The following LRRC74A variants were observed in gnomAD, a reference collection of about 807,000 sequenced individuals.
The protein encoded by LRRC74A is leucine-rich repeat-containing protein 74A.
Under a neutral mutation model 57.9 loss-of-function variants are expected in LRRC74A, and 44 were observed. The ratio of observed to expected loss-of-function variants is 0.76; its 90% CI spans 0.60 to 0.98. The LOEUF (loss-of-function observed/expected upper bound fraction) is 0.98. Ranked by LOEUF, LRRC74A falls within the 50% of genes least tolerant of loss-of-function variation. The probability of loss-of-function intolerance (pLI) is 0.00; values close to 1 mark genes in which losing one functional copy is unlikely to be tolerated. For missense variants in LRRC74A, 572 were observed against 574.0 expected (o/e 1.00, Z 0.04); for synonymous variants, 211 against 219.4 (o/e 0.96, Z 0.34).
intron 4 of LRRC74A, among the ~76,000 whole-genome samples, chr14:76,837,120 T>A (rs749507232): frequency 5.9e-5 from 9 of 152,088 alleles, no homozygotes; most frequent in Non-Finnish European, 1.0e-4. Context: ...CCAGCCTGGG[T>A]GACAGAGTGA....
At chr14:76,834,298 G>A (rs993082460) in intron 3 of LRRC74A, among the ~76,000 whole-genome samples, 6 of 152,184 alleles carry the variant, frequency 3.9e-5, no homozygotes, top group Admixed American at 2.6e-4. Flanking sequence ...CATGAGCTTC[G>A]TGGGAAAAAC....
intron 11 of LRRC74A, among the ~76,000 whole-genome samples, chr14:76,862,423 G>C (rs1028150961): frequency 3.4e-5 from 4 of 116,554 alleles, no homozygotes; most frequent in Admixed American, 2.0e-4. Context: ...CCAGCTACTT[G>C]GGAAACTGAG....
intron 11 of LRRC74A, among the ~76,000 whole-genome samples, chr14:76,864,187 G>A (rs890179557): frequency 8.5e-5 from 13 of 152,114 alleles, no homozygotes; most frequent in Admixed American, 3.9e-4. Flanking sequence ...TTGAAGTGCC[G>A]GTGGGGTGTC....
chr14:76,849,528 G>A (rs1446937093), intron 7 of LRRC74A, among the ~76,000 whole-genome samples: 3 of 151,944 alleles, frequency 2.0e-5, no homozygotes, highest in Non-Finnish European at 2.9e-5. Context: ...ATTGCTGGGC[G>A]GGGTAGATCA....
chr14:76,841,405 T>G (rs1306472773), intron 5 of LRRC74A, among the ~76,000 whole-genome samples: 1 of 152,208 alleles, frequency 6.6e-6, no homozygotes, highest in Non-Finnish European at 1.5e-5. Context: ...ATCTTGAATC[T>G]TTTTTTCAAA....
At chr14:76,827,217 G>A (rs1379784298) in intron 1 of LRRC74A, among the ~76,000 whole-genome samples, 1 of 152,178 alleles carries the variant, frequency 6.6e-6, no homozygotes, top group Non-Finnish European at 1.5e-5. Context: ...CCAAGCTGTT[G>A]TCTGTCTTCT....
intron 3 of LRRC74A, among the ~76,000 whole-genome samples, chr14:76,835,122 A>C (rs1166876573): frequency 1.3e-5 from 2 of 152,168 alleles, no homozygotes; most frequent in African/African-American, 2.4e-5. Flanking sequence ...GGGAAGATCA[A>C]AGTTCTGATT....
chr14:76,861,317 TGGTAAGGATATCAAGACATCCCTGC>T (rs1169801617), intron 11 of LRRC74A, among the ~76,000 whole-genome samples: 5 of 152,242 alleles, frequency 3.3e-5, no homozygotes, highest in Admixed American at 3.3e-4. Flanking sequence ...TTCCAACTGC[TGGTAAGGATATCAAGACATCCCTGC>T]GGTCAGGATG....
At position 76,844,883 on chromosome 14, in the gene LRRC74A, C is replaced by T. The variant is rs766765118; in HGVS notation, c.658C>T (p.His220Tyr). ...CCAATTCTCTGATGTAGGAGGGGAG[C>T]ACCTGGGCCAGATGCTGGGTGAGTC... ...HNQFSDVGGE[H>Y]LGQMLAINVG... The change falls in exon 7 of 14, where the codon CAC becomes TAC. Residue 220 changes from histidine to tyrosine, a missense_variant. Physicochemically the swap from His to Tyr is moderately conservative, Grantham distance 83. Coordinates refer to ENST00000689127, the MANE Select transcript of LRRC74A (RefSeq NM_001385106.1). The T allele has an allele frequency of 1.9e-6, 3 of 1,583,004 alleles. No homozygotes were observed. In the East Asian group the frequency reaches 6.7e-5, roughly 35 times the overall value.
Position 76,837,973 on chromosome 14 carries a change from T to C in LRRC74A, c.544+2T>C. On this transcript the variant is annotated splice_donor_variant, in intron 5 of 13. Transcript: ENST00000689127. LOFTEE classifies it high-confidence loss of function. ...CTATCTGGAGCCTTGAGCTTTCAGG[T>C]GAGCACATGGAAAGGGAGGGAGAAG... is the stretch of plus-strand genomic sequence containing the variant. 1 of 1,550,720 alleles carries C rather than the reference T, an allele frequency of 6.4e-7. No homozygotes were observed. The highest frequency in any genetic ancestry group is 8.8e-7 in the Non-Finnish European group (1 of 1,140,222).
intron 13 of LRRC74A, 141 bp from the exon 14 acceptor site, chr14:76,869,984 A>G: frequency 1.3e-6 from 1 of 774,758 alleles, no homozygotes; most frequent in Non-Finnish European, 2.2e-6. Context: ...GGGGAGATAT[A>G]ATGGTTAACA....
chr14:76,854,194 C>T (rs1207717054), intron 9 of LRRC74A, among the ~76,000 whole-genome samples: 1 of 152,236 alleles, frequency 6.6e-6, no homozygotes, highest in African/African-American at 2.4e-5. Context: ...TCTAGGGGAC[C>T]TGCTCCCAGA....
At chr14:76,867,915 G>A (rs1467101168) in intron 13 of LRRC74A, among the ~76,000 whole-genome samples, 1 of 152,222 alleles carries the variant, frequency 6.6e-6, no homozygotes, top group Non-Finnish European at 1.5e-5. Context: ...GTGTGTTAGG[G>A]ACTACAGGTC....
intron 5 of LRRC74A, among the ~76,000 whole-genome samples, chr14:76,842,683 T>C (rs1193863048): frequency 6.6e-6 from 1 of 152,124 alleles, no homozygotes; most frequent in Non-Finnish European, 1.5e-5. Flanking sequence ...ATTCATTCAT[T>C]CATTCACTCA....
intron 10 of LRRC74A, 68 bp downstream of exon 10, chr14:76,857,543 G>T: frequency 8.6e-7 from 1 of 1,167,818 alleles, no homozygotes. Flanking sequence ...TCTATACTCT[G>T]TGTTGGCCAG....
chr14:76,846,558 T>G (rs940274309), intron 7 of LRRC74A, among the ~76,000 whole-genome samples: 1 of 151,822 alleles, frequency 6.6e-6, no homozygotes, highest in African/African-American at 2.4e-5. Context: ...GTCACAGGAG[T>G]CTAGGCAAGA....
At chr14:76,847,151 G>A (rs1324448921) in intron 7 of LRRC74A, among the ~76,000 whole-genome samples, 3 of 152,138 alleles carry the variant, frequency 2.0e-5, no homozygotes, top group East Asian at 3.9e-4. Context: ...GAAGAAGATC[G>A]ACAGTTGCAT....
intron 12 of LRRC74A, 63 bp downstream of exon 12, chr14:76,866,138 G>A: frequency 8.1e-7 from 1 of 1,239,584 alleles, no homozygotes; most frequent in East Asian, 2.5e-5. Context: ...GTGTGTCAGA[G>A]AGAGGGGAGA....
At chr14:76,845,011 G>C (rs189726413) in intron 7 of LRRC74A, 110 bp downstream of exon 7, 206 of 676,642 alleles carry the variant, frequency 3.0e-4, no homozygotes, top group Non-Finnish European at 4.7e-4. Context: ...GATTATAAAA[G>C]TGATGTAAAC....
Sources: gnomAD v4.1 joint callset for allele counts (sites outside exome capture counted in the v4.1 genomes callset) on GRCh38, gnomAD v4.1.1 for gene constraint, MANE v1.5 for transcripts, NCBI Gene and HGNC (gene_info 2026-07-23, HGNC 2026-07-21) for gene names.